The following PAN3 variants were observed in gnomAD, a reference collection of about 807,000 sequenced individuals.
The protein encoded by PAN3 is PAN2-PAN3 deadenylation complex subunit PAN3.
Under a neutral mutation model 96.2 loss-of-function variants are expected in PAN3, and 19 were observed. The ratio of observed to expected loss-of-function variants is 0.20; its 90% CI spans 0.14 to 0.29. The LOEUF is 0.29. Ranked by LOEUF, PAN3 falls within the 10% of genes least tolerant of loss-of-function variation. The pLI is 1.00. For synonymous variants in PAN3, 433 were observed against 406.6 expected (o/e 1.06, Z -0.78); for missense variants, 882 against 1,108.1 (o/e 0.80, Z 2.90).
intron 4 of PAN3, among the ~76,000 whole-genome samples, chr13:28,188,475 C>T (rs1163929744): frequency 3.3e-5 from 5 of 152,054 alleles, no homozygotes; most frequent in East Asian, 3.9e-4. Flanking sequence ...GTGGTGTGCA[C>T]GCATAGTGCC....
intron 9 of PAN3, 124 bp downstream of exon 9, chr13:28,261,582 CA>C: frequency 1.4e-6 from 1 of 733,228 alleles, no homozygotes; most frequent in Non-Finnish European, 2.1e-6. Flanking sequence ...CCTGTAATCC[CA>C]GCAGTTTGGG....
At chr13:28,211,527 A>T (rs980540721) in intron 5 of PAN3, among the ~76,000 whole-genome samples, 1 of 152,224 alleles carries the variant, frequency 6.6e-6, no homozygotes, top group African/African-American at 2.4e-5. Context: ...AACCGACTTT[A>T]TAAGAAAGTA....
At chr13:28,286,765 A>G (rs1353388080) in intron 17 of PAN3, among the ~76,000 whole-genome samples, 1 of 152,204 alleles carries the variant, frequency 6.6e-6, no homozygotes, top group African/African-American at 2.4e-5. Flanking sequence ...GAGCAGAGAT[A>G]AATGGGTGTT....
intron 1 of PAN3, among the ~76,000 whole-genome samples, chr13:28,140,011 G>T (rs187684514): frequency 6.6e-6 from 1 of 152,158 alleles, no homozygotes; most frequent in East Asian, 1.9e-4. Context: ...GCAGTTGCGC[G>T]ATCTCAGCTC....
intron 6 of PAN3, among the ~76,000 whole-genome samples, chr13:28,237,375 C>T (rs978829074): frequency 1.3e-5 from 2 of 152,134 alleles, no homozygotes; most frequent in Admixed American, 1.3e-4. Flanking sequence ...AACTATATCA[C>T]TGGAACTCAG....
At position 28,138,599 on chromosome 13, in the gene PAN3, A is replaced by C. The variant is rs1869101803; in HGVS notation, c.-59A>C. ...AGCGTCTTCCTTTCCTCCCCCGTCT[A>C]TGGTGGTGGCGGCGGCGGCTCCTCG... On this transcript the variant is annotated 5_prime_UTR_variant, in exon 1 of 19. The change abolishes an upstream ATG in the 5' untranslated region. Coordinates refer to ENST00000380958, the MANE Select transcript of PAN3 (RefSeq NM_175854.8). 2 of 370,842 alleles carry C rather than the reference A, an allele frequency of 5.4e-6. No homozygotes were observed. The highest frequency in any genetic ancestry group is 4.4e-6 in the Non-Finnish European group (1 of 229,578). 23.0% of individuals were successfully genotyped at this position (370,842 alleles called of 1,614,324 possible). A position where few individuals can be genotyped will look rare whatever the true frequency, so the allele number is the denominator to read the frequency against.
chr13:28,192,812 T>C (rs1340984119), intron 4 of PAN3, among the ~76,000 whole-genome samples: 4 of 152,260 alleles, frequency 2.6e-5, no homozygotes, highest in Admixed American at 2.6e-4. Flanking sequence ...ATTAGTAATT[T>C]GGAAATTAGC....
At chr13:28,144,188 A>G (rs914091181) in intron 1 of PAN3, among the ~76,000 whole-genome samples, 1 of 147,812 alleles carries the variant, frequency 6.8e-6, no homozygotes, top group Non-Finnish European at 1.5e-5. Flanking sequence ...ATAAGGTAAT[A>G]CTTGGTTTCG....
chr13:28,241,394 A>G (rs1413567576), intron 6 of PAN3, among the ~76,000 whole-genome samples: 1 of 152,244 alleles, frequency 6.6e-6, no homozygotes, highest in Non-Finnish European at 1.5e-5. Flanking sequence ...ATGCTGTGAC[A>G]TTCAAACTTT....
intron 5 of PAN3, chr13:28,214,663 A>G: frequency 2.2e-6 from 1 of 445,104 alleles, no homozygotes; most frequent in Non-Finnish European, 4.1e-6. Context: ...CTGAGATGGG[A>G]AAGGGCTCCT....
intron 6 of PAN3, among the ~76,000 whole-genome samples, chr13:28,235,170 T>C (rs1260334071): frequency 1.3e-5 from 2 of 152,216 alleles, no homozygotes; most frequent in East Asian, 3.8e-4. Context: ...TCTGCATGTG[T>C]CATTCCTCCC....
chr13:28,164,449 T>G (rs185024064), intron 1 of PAN3, among the ~76,000 whole-genome samples: 32 of 152,360 alleles, frequency 2.1e-4, no homozygotes, highest in Admixed American at 9.8e-4. Flanking sequence ...TTTCATCCTT[T>G]AGCGTGAGCA....
chr13:28,252,356 T>C (rs1362891237), intron 6 of PAN3, among the ~76,000 whole-genome samples: 1 of 151,976 alleles, frequency 6.6e-6, no homozygotes, highest in African/African-American at 2.4e-5. Flanking sequence ...ACTGGTTGGT[T>C]GTATTTAGGA....
intron 4 of PAN3, among the ~76,000 whole-genome samples, chr13:28,181,989 A>G (rs1298244273): frequency 6.6e-6 from 1 of 152,216 alleles, no homozygotes; most frequent in Non-Finnish European, 1.5e-5. Flanking sequence ...ACATGAGTAA[A>G]CCTTAATAGC....
chr13:28,186,254 G>A (rs1222534090), intron 4 of PAN3, among the ~76,000 whole-genome samples: 4 of 152,158 alleles, frequency 2.6e-5, no homozygotes, highest in Non-Finnish European at 5.9e-5. Flanking sequence ...AGATTGTAAT[G>A]TGTTAAGGAG....
chr13:28,162,075 T>A (rs1012821722), intron 1 of PAN3, among the ~76,000 whole-genome samples: 4 of 152,226 alleles, frequency 2.6e-5, no homozygotes, highest in African/African-American at 9.6e-5. Context: ...ATAAGTAGAT[T>A]TGGCACCTAA....
chr13:28,176,499 A>C lies in PAN3; in HGVS notation c.559A>C (p.Thr187Pro). The change falls in exon 3 of 19, where the codon ACT (threonine) becomes CCT (proline). Residue 187 changes from threonine to proline, a missense_variant. Physicochemically the swap from Thr to Pro is conservative, Grantham distance 38 (BLOSUM62 -1). This residue lies in a region of PAN3 where 442 missense variants were observed against 422.8 expected (regional missense o/e 1.05). Coordinates refer to ENST00000380958, the MANE Select transcript of PAN3 (RefSeq NM_175854.8). The stretch of plus-strand genomic sequence containing the variant: ...TAAATATTTTGTTTTTCAGAGAATG[A>C]CTAATAGTAGCAGCTCCCCAAGCCT... ...ETKYPLMQRMTNSSSSPSLLN... is the reference protein window; with the variant it reads ...ETKYPLMQRMPNSSSSPSLLN... 1 of 1,613,570 alleles carries C rather than the reference A, an allele frequency of 6.2e-7. No individual in the cohort carries two copies. Among genetic ancestry groups the C allele is most frequent in the Non-Finnish European group, 8.5e-7 (1 of 1,179,546 alleles).
At position 28,255,530 on chromosome 13, in the gene PAN3, T is replaced by A. The variant is rs1031174390; in HGVS notation, c.1001-762T>A. ...ACAATAAACTCATAATAGAGGGCGCTTTGCACATAATGTTTCTTACTGGTT... is the reference window on the plus strand; with the variant it reads ...ACAATAAACTCATAATAGAGGGCGCATTGCACATAATGTTTCTTACTGGTT... On this transcript the variant is annotated intron_variant, in intron 6 of 18. Transcript: ENST00000380958. 2.6e-5 allele frequency among the ~76,000 whole-genome samples: 4 copies of A among 152,136 alleles called. No homozygotes were observed. The South Asian group carries it at 8.3e-4, about 32-fold the overall frequency.
intron 1 of PAN3, among the ~76,000 whole-genome samples, chr13:28,155,715 T>C (rs1227035767): frequency 6.6e-6 from 1 of 152,146 alleles, no homozygotes; most frequent in African/African-American, 2.4e-5. Flanking sequence ...TATATACACA[T>C]CTCATATATA....
Sources: allele counts gnomAD v4.1 joint callset (sites outside exome capture counted in the v4.1 genomes callset), GRCh38; gene constraint gnomAD v4.1.1; regional missense constraint gnomAD v4.1.1; transcripts MANE v1.5; gene names NCBI Gene and HGNC (gene_info 2026-07-23, HGNC 2026-07-21).